The following DENND4C variants were observed in gnomAD, a reference collection of about 807,000 sequenced individuals.
DENND4C encodes the protein DENN domain containing 4C, also known as DENN domain-containing protein 4C.
A neutral mutation model predicts 203.0 loss-of-function variants in DENND4C; 108 were observed. The ratio of observed to expected loss-of-function variants is 0.53; its 90% CI spans 0.46 to 0.62. The LOEUF (loss-of-function observed/expected upper bound fraction) is 0.62. DENND4C is among the 20% of genes least tolerant of loss of function. The probability of loss-of-function intolerance (pLI) is 0.00; values close to 1 mark genes in which losing one functional copy is unlikely to be tolerated. For synonymous variants in DENND4C, 871 were observed against 792.4 expected (o/e 1.10, Z -1.67); for missense variants, 2,481 against 2,301.2 (o/e 1.08, Z -1.60).
At chr9:19,312,984 C>T (rs540976141) in intron 10 of DENND4C, among the ~76,000 whole-genome samples, 31 of 151,952 alleles carry the variant, frequency 2.0e-4, no homozygotes, top group Non-Finnish European at 3.8e-4. Context: ...TTGAAGAGTC[C>T]ATTAATTTAC....
At chr9:19,317,958 G>C (rs1842124391) in intron 12 of DENND4C, among the ~76,000 whole-genome samples, 1 of 152,208 alleles carries the variant, frequency 6.6e-6, no homozygotes, top group African/African-American at 2.4e-5. Context: ...GAAGTCCATA[G>C]GCATTAAGAG....
At position 19,300,321 on chromosome 9, in the gene DENND4C, C is replaced by G; in HGVS notation, c.1301C>G (p.Ala434Gly). ...GCTGTCTTGACTGGGGTAGCTGAAG[C>G]TGTTGTAGCTGTAAGTATAGAATTT... is the stretch of plus-strand genomic sequence containing the variant. ...RPAVLTGVAE[A>G]VVAMIFPFQW... Residue 434 changes from alanine to glycine, a missense_variant, in exon 9 of 33, where the codon GCT (alanine) becomes GGT (glycine). Ala to Gly is a moderately conservative substitution (Grantham distance 60). Transcript: ENST00000434457. The G allele has an allele frequency of 6.3e-7, 1 of 1,581,430 alleles. No homozygotes were observed. Among genetic ancestry groups the G allele is most frequent in the Non-Finnish European group, 8.6e-7 (1 of 1,158,128 alleles).
At chr9:19,234,394 C>T (rs1011379882) in intron 1 of DENND4C, among the ~76,000 whole-genome samples, 5 of 151,914 alleles carry the variant, frequency 3.3e-5, no homozygotes. Flanking sequence ...CCACGCCTGG[C>T]TAAATTTTTT....
intron 12 of DENND4C, 90 bp downstream of exon 12, chr9:19,316,929 T>G: frequency 8.8e-7 from 1 of 1,131,084 alleles, no homozygotes. Context: ...ATTGTATAAA[T>G]TATTACAAAT....
intron 23 of DENND4C, among the ~76,000 whole-genome samples, chr9:19,349,347 G>T (rs1317416772): frequency 6.6e-6 from 1 of 152,040 alleles, no homozygotes; most frequent in African/African-American, 2.4e-5. Flanking sequence ...GGCAGAGGTC[G>T]CAGTGAGCCG....
chr9:19,344,823 AT>A (rs1158378489), intron 22 of DENND4C, among the ~76,000 whole-genome samples: 1 of 152,168 alleles, frequency 6.6e-6, no homozygotes, highest in Admixed American at 6.5e-5. Flanking sequence ...TTAAAAAAAA[AT>A]AAAAGAAAGA....
Position 19,288,607 on chromosome 9 carries a change from C to T in DENND4C, c.570C>T (p.Ser190=), listed in dbSNP as rs972897192. The change falls in exon 4 of 33, where the codon AGC becomes AGT. Residue 190 remains serine (S), a synonymous_variant. Coordinates refer to ENST00000434457, the MANE Select transcript of DENND4C (RefSeq NM_001330640.2). ...KNLNCGMWGS[S]VFLCYKKSVP... The stretch of plus-strand genomic sequence containing the variant: ...TTCATGTTTTACAGTGGGGTTCCAG[C>T]GTGTTTCTGTGTTATAAGAAGTCTG... 1.9e-5 allele frequency: 23 copies of T among 1,231,264 alleles called. No individual in the cohort carries two copies. Among genetic ancestry groups the T allele is most frequent in the African/African-American group, 4.7e-5 (3 of 64,314 alleles). The allele number at this position is 1,231,264 out of a possible 1,614,324, so 76.3% of individuals were successfully genotyped here. A position where few individuals can be genotyped will look rare whatever the true frequency, so the allele number is the denominator to read the frequency against.
At chr9:19,252,529 C>T (rs1230952477) in intron 1 of DENND4C, among the ~76,000 whole-genome samples, 1 of 152,078 alleles carries the variant, frequency 6.6e-6, no homozygotes, top group African/African-American at 2.4e-5. Context: ...CTGTGGTGAG[C>T]TATAATGGCA....
rs754559641 is a variant in DENND4C, at chr9:19,372,260, G to T, written c.*87G>T. 17 of 1,487,332 alleles carry T rather than the reference G, an allele frequency of 1.1e-5. No individual in the cohort carries two copies. The highest frequency in any genetic ancestry group is 1.5e-5 in the Non-Finnish European group (17 of 1,097,962). 92.1% of individuals were successfully genotyped at this position (1,487,332 alleles called of 1,614,324 possible). ...TCAAGTTTTTTTTTCCAAATCGTAA[G>T]AACTGGTGAATACGGAATTGAAGTA... is the stretch of plus-strand genomic sequence containing the variant. On this transcript the variant is annotated 3_prime_UTR_variant, in exon 33 of 33. Transcript: ENST00000434457.
rs1365110799 is a variant in DENND4C, at chr9:19,305,201, T to G, written c.1312-151T>G. 1.4e-5 allele frequency: 9 copies of G among 622,848 alleles called. No individual in the cohort carries two copies. In the East Asian group the frequency reaches 1.7e-4, roughly 12 times the overall value. 38.6% of individuals were successfully genotyped at this position (622,848 alleles called of 1,614,324 possible). A position where few individuals can be genotyped will look rare whatever the true frequency, so the allele number is the denominator to read the frequency against. Reference sequence around the variant, plus strand: ...TTGTTCTTAGCATTGCTTAGTAGTATTTTATAGTCATTTAGTTTTGGAATG... The same window carrying G: ...TTGTTCTTAGCATTGCTTAGTAGTAGTTTATAGTCATTTAGTTTTGGAATG... On this transcript the variant is annotated intron_variant, in intron 9 of 32. Coordinates refer to ENST00000434457, the MANE Select transcript of DENND4C (RefSeq NM_001330640.2).
chr9:19,232,175 G>T (rs535860023), intron 1 of DENND4C, among the ~76,000 whole-genome samples: 18 of 152,178 alleles, frequency 1.2e-4, no homozygotes, highest in Non-Finnish European at 2.5e-4. Flanking sequence ...GTAAACTGCC[G>T]TCTTGCTGTG....
chr9:19,354,611 A>G (rs996040994), intron 26 of DENND4C, among the ~76,000 whole-genome samples: 8 of 136,560 alleles, frequency 5.9e-5, no homozygotes, highest in Middle Eastern at 4.7e-3. Flanking sequence ...CTGGAGTCCA[A>G]TGGCACAATC....
intron 10 of DENND4C, among the ~76,000 whole-genome samples, chr9:19,313,217 T>A (rs1841092041): frequency 2.0e-5 from 3 of 152,174 alleles, no homozygotes; most frequent in Non-Finnish European, 4.4e-5. Context: ...TATTTTACTC[T>A]TTTTTTAAGC....
intron 5 of DENND4C, among the ~76,000 whole-genome samples, chr9:19,294,435 G>A: frequency 6.6e-6 from 1 of 152,172 alleles, no homozygotes; most frequent in East Asian, 1.9e-4. Context: ...CAACATTGCT[G>A]ATGAGAAAGT....
chr9:19,236,005 T>G (rs571866318), intron 1 of DENND4C, among the ~76,000 whole-genome samples: 1 of 152,150 alleles, frequency 6.6e-6, no homozygotes, highest in Admixed American at 6.5e-5. Flanking sequence ...TTTCTTTTTT[T>G]TTTCATTTTA....
rs533355886 is a variant in DENND4C at position 19,290,638 on chromosome 9, C to G, written c.629-66C>G. 1.9e-4 allele frequency: 212 copies of G among 1,114,762 alleles called. 1 individual carries two copies. In the South Asian group the frequency reaches 3.5e-3, roughly 18 times the overall value. The allele number at this position is 1,114,762 out of a possible 1,614,324, so 69.1% of individuals were successfully genotyped here. ...CGGCATTAAAATATTCCATTAATAC[C>G]TATCATATGCAATTTATGGAAAAGT... On this transcript the variant is annotated intron_variant, in intron 4 of 32. Coordinates refer to ENST00000434457, the MANE Select transcript of DENND4C (RefSeq NM_001330640.2).
intron 20 of DENND4C, 80 bp from the exon 21 acceptor site, chr9:19,340,912 T>TCGGG: frequency 4.2e-6 from 5 of 1,202,028 alleles, no homozygotes; most frequent in South Asian, 2.5e-5. Context: ...TGTAGATCAG[T>TCGGG]GGAATTTTCT....
intron 1 of DENND4C, among the ~76,000 whole-genome samples, chr9:19,245,330 G>T (rs1198044223): frequency 6.6e-6 from 1 of 151,970 alleles, no homozygotes; most frequent in African/African-American, 2.4e-5. Context: ...AGCTGGGCAT[G>T]GTGGGAGGCA....
intron 1 of DENND4C, among the ~76,000 whole-genome samples, chr9:19,236,867 C>A (rs992242923): frequency 6.6e-6 from 1 of 152,206 alleles, no homozygotes; most frequent in South Asian, 2.1e-4. Flanking sequence ...GCTACTTTTT[C>A]TAAAAGATCA....
Sources: gnomAD v4.1 joint callset for allele counts (sites outside exome capture counted in the v4.1 genomes callset) on GRCh38, gnomAD v4.1.1 for gene constraint, MANE v1.5 for transcripts, NCBI Gene and HGNC (gene_info 2026-07-23, HGNC 2026-07-21) for gene names.